Variants in CYP7B1 observed in about 807,000 individuals in gnomAD.
CYP7B1 encodes cytochrome P450 7B1.
Under a neutral mutation model 42.7 loss-of-function variants are expected in CYP7B1, and 29 were observed. The ratio of observed to expected loss-of-function variants is 0.68; its 90% CI spans 0.51 to 0.93. The LOEUF (loss-of-function observed/expected upper bound fraction) is 0.93, where lower values mean the gene tolerates loss of function less well. Ranked by LOEUF, CYP7B1 falls within the 40% of genes least tolerant of loss-of-function variation. The pLI is 0.00. For synonymous variants in CYP7B1, 235 were observed against 218.2 expected, an observed-to-expected ratio of 1.08 and a Z score of -0.68; for missense variants, 655 against 600.5, an observed-to-expected ratio of 1.09 and a Z score of -0.95.
At chr8:64,603,544 C>T (rs1336336633) in intron 5 of CYP7B1, among the ~76,000 whole-genome samples, 1 of 152,164 alleles carries the variant, frequency 6.6e-6, no homozygotes, top group African/African-American at 2.4e-5. Flanking sequence ...TGGCTATTGG[C>T]TATTCATTTG....
intron 4 of CYP7B1, among the ~76,000 whole-genome samples, chr8:64,605,461 A>G (rs991368514): frequency 2.6e-5 from 4 of 152,216 alleles, no homozygotes; most frequent in Non-Finnish European, 2.9e-5. Flanking sequence ...AGGGAAAATA[A>G]CAGGCACCAT....
At chr8:64,631,494 T>G (rs990608015) in intron 1 of CYP7B1, among the ~76,000 whole-genome samples, 2 of 152,132 alleles carry the variant, frequency 1.3e-5, no homozygotes, top group Admixed American at 1.3e-4. Flanking sequence ...AAGAGCTCCT[T>G]AATGTTGGTC....
intron 1 of CYP7B1, among the ~76,000 whole-genome samples, chr8:64,782,751 A>G (rs951149332): frequency 6.6e-6 from 1 of 152,200 alleles, no homozygotes; most frequent in Non-Finnish European, 1.5e-5. Context: ...GCAATCTCCA[A>G]TGTTGATCCA....
intron 1 of CYP7B1, among the ~76,000 whole-genome samples, chr8:64,644,837 G>T (rs960112996): frequency 6.6e-6 from 1 of 151,668 alleles, no homozygotes; most frequent in South Asian, 2.1e-4. Context: ...GTATACATGT[G>T]CCATGCTGGT....
chr8:64,665,233 G>A (rs1436492771), intron 1 of CYP7B1, among the ~76,000 whole-genome samples: 1 of 152,176 alleles, frequency 6.6e-6, no homozygotes, highest in Non-Finnish European at 1.5e-5. Context: ...AAGAAGTACA[G>A]GGGTGGGAGG....
chr8:64,749,366 C>T (rs1406257840), intron 1 of CYP7B1, among the ~76,000 whole-genome samples: 1 of 152,104 alleles, frequency 6.6e-6, no homozygotes, highest in Admixed American at 6.6e-5. Flanking sequence ...CAGGTGTGAG[C>T]CACCAAGCCC....
intron 1 of CYP7B1, among the ~76,000 whole-genome samples, chr8:64,664,521 T>G (rs1295620733): frequency 2.0e-5 from 3 of 152,152 alleles, no homozygotes; most frequent in Admixed American, 6.5e-5. Context: ...AAGACACTTG[T>G]CTCTCATTAC....
At chr8:64,643,945 T>C (rs1285821079) in intron 1 of CYP7B1, among the ~76,000 whole-genome samples, 1 of 152,124 alleles carries the variant, frequency 6.6e-6, no homozygotes, top group Non-Finnish European at 1.5e-5. Flanking sequence ...CTGCAGTTAC[T>C]TTCTCCAAGG....
At chr8:64,723,971 A>G (rs759676544) in intron 1 of CYP7B1, among the ~76,000 whole-genome samples, 1 of 152,154 alleles carries the variant, frequency 6.6e-6, no homozygotes, top group Admixed American at 6.5e-5. Flanking sequence ...TTAAAAAACT[A>G]ACTGGCAAAA....
At chr8:64,650,042 G>T (rs1442284306) in intron 1 of CYP7B1, among the ~76,000 whole-genome samples, 1 of 152,048 alleles carries the variant, frequency 6.6e-6, no homozygotes, top group Non-Finnish European at 1.5e-5. Context: ...CCTTTGATGT[G>T]AAAAAGTTTT....
In CYP7B1 at chr8:64,662,254, G is replaced by A. The variant is rs1171440384; in HGVS notation, c.123-37715C>T. 2.0e-5 allele frequency among the ~76,000 whole-genome samples: 3 copies of A among 152,150 alleles called. 1 individual carries two copies. In the East Asian group the frequency reaches 5.8e-4, roughly 29 times the overall value. ...ATGCAGAGAAGGGAGGATTACTTGA[G>A]CCTGGGAGGTCGAGGCTGCGGTGTG... is the stretch of plus-strand genomic sequence containing the variant. On this transcript the variant is annotated intron_variant, in intron 1 of 5. Transcript: ENST00000310193.
At chr8:64,661,204 A>T (rs1247776057) in intron 1 of CYP7B1, among the ~76,000 whole-genome samples, 3 of 152,236 alleles carry the variant, frequency 2.0e-5, no homozygotes, top group Admixed American at 1.3e-4. Context: ...TAATTTGCAC[A>T]TATTCTCATG....
chr8:64,706,482 A>G (rs1807001369), intron 1 of CYP7B1, among the ~76,000 whole-genome samples: 1 of 152,060 alleles, frequency 6.6e-6, no homozygotes, highest in Admixed American at 6.6e-5. Flanking sequence ...CTAATGAAAC[A>G]GAAATACCTG....
chr8:64,697,604 G>A (rs564026331), intron 1 of CYP7B1, among the ~76,000 whole-genome samples: 15 of 152,278 alleles, frequency 9.9e-5, no homozygotes, highest in Admixed American at 8.5e-4. Flanking sequence ...AACTAATAGC[G>A]CATGGGGCTG....
chr8:64,649,375 C>A (rs1393011201), intron 1 of CYP7B1, among the ~76,000 whole-genome samples: 2 of 152,136 alleles, frequency 1.3e-5, no homozygotes, highest in Non-Finnish European at 1.5e-5. Context: ...TATGTTGTTA[C>A]ATATTGCGGA....
intron 2 of CYP7B1, among the ~76,000 whole-genome samples, chr8:64,619,305 C>T (rs1404128985): frequency 6.6e-6 from 1 of 152,106 alleles, no homozygotes; most frequent in Admixed American, 6.5e-5. Context: ...TTAACTTTTG[C>T]TCCAGGGTGA....
At chr8:64,777,968 GTCT>G (rs1039880100) in intron 1 of CYP7B1, among the ~76,000 whole-genome samples, 1 of 151,516 alleles carries the variant, frequency 6.6e-6, no homozygotes, top group Admixed American at 6.6e-5. Flanking sequence ...TTTAAAATAT[GTCT>G]TCTTTTTAAA....
At chr8:64,707,596 C>T (rs899772388) in intron 1 of CYP7B1, among the ~76,000 whole-genome samples, 1 of 152,106 alleles carries the variant, frequency 6.6e-6, no homozygotes, top group African/African-American at 2.4e-5. Flanking sequence ...TTTCCCTCCC[C>T]AATTACTAAC....
At chr8:64,646,952 A>G (rs1328356014) in intron 1 of CYP7B1, among the ~76,000 whole-genome samples, 1 of 152,240 alleles carries the variant, frequency 6.6e-6, no homozygotes, top group Admixed American at 6.5e-5. Context: ...CTGGTGCAAG[A>G]GGCCTAGATT....
Sources: gnomAD v4.1 joint callset for allele counts (sites outside exome capture counted in the v4.1 genomes callset) on GRCh38, gnomAD v4.1.1 for gene constraint, MANE v1.5 for transcripts, NCBI Gene and HGNC (gene_info 2026-07-23, HGNC 2026-07-21) for gene names.